Variants in CTNNA2 observed in about 807,000 individuals in gnomAD.
CTNNA2 encodes catenin alpha 2.
Under a neutral mutation model 101.0 loss-of-function variants are expected in CTNNA2, and 42 were observed. The ratio of observed to expected loss-of-function variants is 0.42; its 90% confidence interval spans 0.32 to 0.54. CTNNA2 has a LOEUF of 0.54. CTNNA2 is among the 20% of genes least tolerant of loss of function. The pLI is 0.14. For missense variants in CTNNA2, 871 were observed against 1,223.1 expected (o/e 0.71, Z 4.29); for synonymous variants, 450 against 456.4 (o/e 0.99, Z 0.18).
At chr2:80,125,928 C>G (rs557875687) in intron 7 of CTNNA2, among the ~76,000 whole-genome samples, 16 of 152,242 alleles carry the variant, frequency 1.1e-4, no homozygotes, top group African/African-American at 3.6e-4. Flanking sequence ...AATGGGAATA[C>G]CGAAGCACCT....
chr2:79,265,077 T>G (rs1203369900), intron 2 of CTNNA2, among the ~76,000 whole-genome samples: 1 of 152,162 alleles, frequency 6.6e-6, no homozygotes, highest in Non-Finnish European at 1.5e-5. Context: ...TTAACATGCT[T>G]CCAGTGTAAC....
In CTNNA2 at chr2:80,055,309, A is replaced by G. The variant is rs560455863; in HGVS notation, c.1056+145512A>G. 3.9e-5 allele frequency among the ~76,000 whole-genome samples: 6 copies of G among 152,198 alleles called. No individual in the cohort carries two copies. The South Asian group carries it at 6.2e-4, about 16-fold the overall frequency. On this transcript the variant is annotated intron_variant, in intron 7 of 18. Coordinates refer to ENST00000402739, the MANE Select transcript of CTNNA2 (RefSeq NM_001282597.3). ...CTCCCTAAGTACTGGGATTACAGGC[A>G]CTTTTGACATGTCTGTTCCATCTCT...
chr2:80,056,852 A>G (rs1390203136), intron 7 of CTNNA2, among the ~76,000 whole-genome samples: 1 of 152,106 alleles, frequency 6.6e-6, no homozygotes, highest in Non-Finnish European at 1.5e-5. Context: ...AACTTCACCA[A>G]CTCTGGCAAT....
At chr2:80,122,359 C>G (rs892421843) in intron 7 of CTNNA2, among the ~76,000 whole-genome samples, 3 of 151,078 alleles carry the variant, frequency 2.0e-5, no homozygotes, top group Admixed American at 6.6e-5. Context: ...TCTCTCCCCC[C>G]TTCCTTTTTT....
chr2:79,387,078 G>A (rs564382582), intron 4 of CTNNA2, among the ~76,000 whole-genome samples: 8 of 152,242 alleles, frequency 5.3e-5, no homozygotes, highest in African/African-American at 1.7e-4. Context: ...CTTTTGAAAT[G>A]ATTTACTTTA....
At chr2:79,722,844 T>C (rs1231084668) in intron 2 of CTNNA2, among the ~76,000 whole-genome samples, 1 of 152,042 alleles carries the variant, frequency 6.6e-6, no homozygotes, top group Non-Finnish European at 1.5e-5. Flanking sequence ...AATGTAAACA[T>C]CCAGGTTGTG....
At chr2:80,560,785 A>G (rs1264631953) in intron 12 of CTNNA2, among the ~76,000 whole-genome samples, 3 of 152,138 alleles carry the variant, frequency 2.0e-5, no homozygotes, top group Non-Finnish European at 2.9e-5. Context: ...TTAGTATGGT[A>G]TGTCCTCTTC....
At chr2:79,395,748 T>G (rs1457188511) in intron 4 of CTNNA2, among the ~76,000 whole-genome samples, 1 of 152,182 alleles carries the variant, frequency 6.6e-6, no homozygotes. Flanking sequence ...CTTAGAAATG[T>G]GTTCTCACAG....
intron 9 of CTNNA2, among the ~76,000 whole-genome samples, chr2:80,431,899 G>C (rs573790782): frequency 6.7e-6 from 1 of 149,012 alleles, no homozygotes; most frequent in South Asian, 2.1e-4. Context: ...CAACTTTTTG[G>C]TTTTTTTTTT....
chr2:79,746,984 C>T (rs563322883), intron 3 of CTNNA2, among the ~76,000 whole-genome samples: 5 of 152,050 alleles, frequency 3.3e-5, no homozygotes, highest in South Asian at 4.2e-4. Flanking sequence ...TGGTCTCTTC[C>T]AATTCTTCTT....
chr2:80,325,748 A>G (rs1319810222), intron 7 of CTNNA2, among the ~76,000 whole-genome samples: 1 of 152,170 alleles, frequency 6.6e-6, no homozygotes, highest in African/African-American at 2.4e-5. Flanking sequence ...TATTCATGTT[A>G]TAAGTGCTAC....
chr2:79,412,488 G>C lies in CTNNA2; in HGVS notation c.-135+38475G>C, dbSNP rs534424655. Among the ~76,000 whole-genome samples the C allele has an allele frequency of 3.2e-4, 49 of 151,778 alleles. No individual in the cohort carries two copies. In the South Asian group the frequency reaches 6.7e-3, roughly 21 times the overall value. ...CACCTATTCCAAAATTGACCACATA[G>C]TTGGAAGTAAAGCTCTCCTCAGCAA... On this transcript the variant is annotated intron_variant, in intron 4 of 21. Transcript: ENST00000466387.
intron 6 of CTNNA2, among the ~76,000 whole-genome samples, chr2:79,886,830 T>G (rs1017361828): frequency 1.3e-5 from 2 of 149,920 alleles, no homozygotes; most frequent in African/African-American, 4.9e-5. Flanking sequence ...CGTTGTTTTG[T>G]TTGTTTTTGT....
chr2:79,414,485 T>A (rs1678454467), intron 4 of CTNNA2, among the ~76,000 whole-genome samples: 1 of 152,040 alleles, frequency 6.6e-6, no homozygotes, highest in African/African-American at 2.4e-5. Context: ...CCCATAAACA[T>A]AATAATTCCT....
In CTNNA2 at chr2:79,326,764, A is replaced by C. The variant is rs935776450; in HGVS notation, c.-318+13968A>C. Reference sequence around the variant, plus strand: ...AACTAGAGCTTCAAGTTGTGTTTTTAAAAAGCCCTTAAACTTAATTGAAAA... The same window carrying C: ...AACTAGAGCTTCAAGTTGTGTTTTTCAAAAGCCCTTAAACTTAATTGAAAA... On this transcript the variant is annotated intron_variant, in intron 3 of 21. Transcript: ENST00000466387. Among the ~76,000 whole-genome samples, 3 of 152,322 alleles carry C rather than the reference A, an allele frequency of 2.0e-5. No homozygotes were observed. In the East Asian group the frequency reaches 5.8e-4, roughly 29 times the overall value.
chr2:79,250,570 A>G (rs1674757900), intron 2 of CTNNA2, among the ~76,000 whole-genome samples: 1 of 152,180 alleles, frequency 6.6e-6, no homozygotes, highest in African/African-American at 2.4e-5. Flanking sequence ...CGAGACAGGT[A>G]GCTTTTCTGG....
At position 80,026,346 on chromosome 2, in the gene CTNNA2, A is replaced by G. The variant is rs188757266; in HGVS notation, c.1056+116549A>G. Among the ~76,000 whole-genome samples, 82 of 152,344 alleles carry G rather than the reference A, an allele frequency of 5.4e-4. 1 individual carries two copies. In the East Asian group the frequency reaches 8.5e-3, roughly 16 times the overall value. ...CAAGCATTCATCGATCCAAGGATTC[A>G]ATGACCCTAAGTATTCTTAGGTAGA... On this transcript the variant is annotated intron_variant, in intron 7 of 18. Coordinates refer to ENST00000402739, the MANE Select transcript of CTNNA2 (RefSeq NM_001282597.3).
At chr2:79,318,646 G>A (rs1000269496) in intron 3 of CTNNA2, among the ~76,000 whole-genome samples, 2 of 152,182 alleles carry the variant, frequency 1.3e-5, no homozygotes, top group Non-Finnish European at 2.9e-5. Context: ...TCTAAAGTAA[G>A]GTTTATCAAA....
chr2:79,893,133 A>G (rs1217110839), intron 6 of CTNNA2, among the ~76,000 whole-genome samples: 1 of 152,096 alleles, frequency 6.6e-6, no homozygotes, highest in Admixed American at 6.6e-5. Flanking sequence ...AAAATATTTG[A>G]GAATAGTTGA....
Sources: allele counts gnomAD v4.1 joint callset (sites outside exome capture counted in the v4.1 genomes callset), GRCh38; gene constraint gnomAD v4.1.1; transcripts MANE v1.5; gene names NCBI Gene and HGNC (gene_info 2026-07-23, HGNC 2026-07-21).